The following DNAH17 variants were observed in gnomAD, a reference collection of about 807,000 sequenced individuals.
DNAH17 encodes dynein axonemal heavy chain 17.
DNAH17 carries 376 observed loss-of-function variants against 485.6 expected under a neutral mutation model. The observed-to-expected ratio is 0.77, with a 90% CI of 0.71 to 0.84. The LOEUF (loss-of-function observed/expected upper bound fraction) is 0.84, where lower values mean the gene tolerates loss of function less well. Ranked by LOEUF, DNAH17 falls within the 40% of genes least tolerant of loss-of-function variation. The pLI, the probability that DNAH17 is intolerant of heterozygous loss-of-function variation, is 0.00. For synonymous variants in DNAH17, 3,031 were observed against 2,405.9 expected (o/e 1.26, Z -7.60); for missense variants, 6,370 against 5,839.3 (o/e 1.09, Z -2.96).
chr17:78,488,039 T>C (rs80113178), intron 44 of DNAH17, among the ~76,000 whole-genome samples: 5,100 of 152,108 alleles, frequency 0.034, 122 homozygotes, highest in South Asian at 0.071. Context: ...TGGTCTTCAG[T>C]AGGGGAGATT....
At chr17:78,462,381 G>T (rs1230301270) in intron 57 of DNAH17, among the ~76,000 whole-genome samples, 1 of 152,122 alleles carries the variant, frequency 6.6e-6, no homozygotes, top group Non-Finnish European at 1.5e-5. Flanking sequence ...GGTGTCAATG[G>T]TGGGCAATAA....
In DNAH17 at chr17:78,571,571, A is replaced by G; in HGVS notation, c.732+19T>C. On this transcript the variant is annotated intron_variant, in intron 4 of 80. Transcript: ENST00000389840. ...AGCTGGGACGAGGCTGCAGCCCCAC[A>G]GGAGAGAGGAGGCCGTACCTGTTCA... The G allele has an allele frequency of 6.2e-7, 1 of 1,613,368 alleles. No homozygotes were observed. Among genetic ancestry groups the G allele is most frequent in the Non-Finnish European group, 8.5e-7 (1 of 1,179,616 alleles).
rs531238451 is a variant in DNAH17, at chr17:78,572,847, G to C, written c.393C>G (p.Pro131=). ...TCACGATGTCTTCCGAGACCACCTGGGGCCATCCAGCCATGTTCTCACTTT... is the reference window on the plus strand; with the variant it reads ...TCACGATGTCTTCCGAGACCACCTGCGGCCATCCAGCCATGTTCTCACTTT... ...LNQSENMAGW[P]QVVSEDIVKQ... The change falls in exon 3 of 81, where the codon CCC becomes CCG. Residue 131 remains proline (P), a synonymous_variant. Transcript: ENST00000389840. 101 of 1,613,890 alleles carry C rather than the reference G, an allele frequency of 6.3e-5. No homozygotes were observed. The East Asian group carries it at 1.9e-3, about 30-fold the overall frequency.
At chr17:78,444,916 G>T in intron 70 of DNAH17, 119 bp from the exon 71 acceptor site, 7 of 1,040,568 alleles carry the variant, frequency 6.7e-6, no homozygotes, top group East Asian at 2.9e-5. Flanking sequence ...CGGGGCTCTG[G>T]GATAAGGAAG....
In DNAH17 at chr17:78,476,704, C is replaced by T; in HGVS notation, c.8022G>A (p.Leu2674=). The T allele has an allele frequency of 6.2e-7, 1 of 1,612,890 alleles. No homozygotes were observed. The highest frequency in any genetic ancestry group is 8.5e-7 in the Non-Finnish European group (1 of 1,179,436). ...GGCGGACGAGGTCCAGTGGGGTTTT[C>T]AGAACTTCTGCTGTGGAAAATAAGA... ...QGLLFSTAEV[L]KTPLDLVRLW... Residue 2674 remains leucine, a synonymous_variant, in exon 52 of 81, where the codon CTG becomes CTA. Transcript: ENST00000389840.
At chr17:78,441,986 G>A (rs1373217911) in intron 71 of DNAH17, among the ~76,000 whole-genome samples, 1 of 152,144 alleles carries the variant, frequency 6.6e-6, no homozygotes, top group Non-Finnish European at 1.5e-5. Context: ...AGGAGGCTGA[G>A]GCAGGAGAAT....
intron 60 of DNAH17, 75 bp from the exon 61 acceptor site, chr17:78,459,283 T>C (rs1174082459): frequency 7.0e-7 from 1 of 1,429,932 alleles, no homozygotes; most frequent in Non-Finnish European, 9.8e-7. Context: ...AAGCTGAGTG[T>C]CTTGCCCAGG....
intron 41 of DNAH17, among the ~76,000 whole-genome samples, chr17:78,493,783 G>A (rs754353490): frequency 4.6e-5 from 7 of 152,246 alleles, no homozygotes; most frequent in Non-Finnish European, 8.8e-5. Context: ...GTCAAGGAGA[G>A]AAGAGCAGGA....
Position 78,424,053 on chromosome 17 carries a change from G to A in DNAH17, c.13242C>T (p.Asp4414=), listed in dbSNP as rs762524778. 1.2e-6 allele frequency: 2 copies of A among 1,614,064 alleles called. No individual in the cohort carries two copies. The highest frequency in any genetic ancestry group is 2.7e-5 in the African/African-American group (2 of 75,056). The part of the protein sequence containing the change: ...PVIFIKAIPV[D]RMETKNIYEC... ...CATAGATGTTCTTGGTCTCCATGCGGTCCACAGGAATGGCCTTGATGAAGA... is the reference window on the plus strand; with the variant it reads ...CATAGATGTTCTTGGTCTCCATGCGATCCACAGGAATGGCCTTGATGAAGA... Residue 4414 remains aspartate, a synonymous_variant, in exon 81 of 81, where the codon GAC becomes GAT. Transcript: ENST00000389840.
In DNAH17 at chr17:78,458,553, A is replaced by G; in HGVS notation, c.9977+12T>C. ...TGAGAGCAGGAGGGTGGTCTCGGGGAGGAGCTGATACCTGTTCGCCAGTAA... is the reference window on the plus strand; with the variant it reads ...TGAGAGCAGGAGGGTGGTCTCGGGGGGGAGCTGATACCTGTTCGCCAGTAA... On this transcript the variant is annotated intron_variant, in intron 62 of 80. Coordinates refer to ENST00000389840, the MANE Select transcript of DNAH17 (RefSeq NM_173628.4). 6.2e-7 allele frequency: 1 copy of G among 1,607,292 alleles called. No homozygotes were observed. The highest frequency in any genetic ancestry group is 1.7e-5 in the Admixed American group (1 of 59,782).
rs55669221 is a variant in DNAH17, at chr17:78,544,800, C to CAAAAAAAAAAAAAA, written c.2392-817_2392-804dup. On this transcript the variant is annotated intron_variant, in intron 16 of 80. Transcript: ENST00000389840. The stretch of plus-strand genomic sequence containing the variant: ...TGGGGCACAGAGCGAGACTCAGTCT[C>CAAAAAAAAAAAAAA]AAAAAAAAAAAAAAAAAAAAAAAAG... 4.1e-4 allele frequency among the ~76,000 whole-genome samples: 19 copies of CAAAAAAAAAAAAAA among 46,878 alleles called. 2 individuals carry two copies. Among genetic ancestry groups the CAAAAAAAAAAAAAA allele is most frequent in the East Asian group, 1.2e-3 (2 of 1,630 alleles). 30.8% of individuals were successfully genotyped at this position (46,878 alleles called of 152,430 possible). A position where few individuals can be genotyped will look rare whatever the true frequency, so the allele number is the denominator to read the frequency against.
chr17:78,576,827 A>AC (rs1189475887), intron 1 of DNAH17, among the ~76,000 whole-genome samples: 4 of 152,074 alleles, frequency 2.6e-5, no homozygotes, highest in Non-Finnish European at 5.9e-5. Flanking sequence ...GGGCCCCTAC[A>AC]CCCCGCAAGT....
intron 27 of DNAH17, among the ~76,000 whole-genome samples, chr17:78,508,470 C>T (rs1419907631): frequency 6.6e-6 from 1 of 152,234 alleles, no homozygotes; most frequent in African/African-American, 2.4e-5. Context: ...TGGAGTCTTC[C>T]TTTCCTCCCA....
chr17:78,532,839 G>A (rs1473759172), intron 19 of DNAH17, 103 bp from the exon 20 acceptor site: 3 of 1,323,198 alleles, frequency 2.3e-6, no homozygotes, highest in Non-Finnish European at 3.0e-6. Context: ...GTTGGCGAAA[G>A]GGCTTCCAAT....
Position 78,444,666 on chromosome 17 carries a change from C to T in DNAH17, c.11466G>A (p.Thr3822=), listed in dbSNP as rs368466796. ...EIFPKEWKNK[T]ALQKLCMVRC... ...GCACCATGCACAGCTTCTGCAGGGCCGTCTTGTTCTTCCACTCCTTGGGGA... is the reference window on the plus strand; with the variant it reads ...GCACCATGCACAGCTTCTGCAGGGCTGTCTTGTTCTTCCACTCCTTGGGGA... The change falls in exon 71 of 81, where the codon ACG becomes ACA. Residue 3822 remains threonine (T), a synonymous_variant. Transcript: ENST00000389840. The T allele has an allele frequency of 2.5e-5, 41 of 1,609,306 alleles. No individual in the cohort carries two copies. The highest frequency in any genetic ancestry group is 8.9e-5 in the East Asian group (4 of 44,744).
rs183666831 is a variant in DNAH17, at chr17:78,444,877, G to C, written c.11335-80C>G. The C allele has an allele frequency of 6.5e-6, 9 of 1,384,206 alleles. No individual in the cohort carries two copies. In the African/African-American group the frequency reaches 8.9e-5, roughly 14 times the overall value. The allele number at this position is 1,384,206 out of a possible 1,614,324, so 85.7% of individuals were successfully genotyped here. ...AGCCTTCCTGTACAGTTCATTCAAG[G>C]AGGAGAGGCCATTACCCTCCGAGGA... On this transcript the variant is annotated intron_variant, in intron 70 of 80. Coordinates refer to ENST00000389840, the MANE Select transcript of DNAH17 (RefSeq NM_173628.4).
In DNAH17 at chr17:78,544,943, A is replaced by C. The variant is rs545175075; in HGVS notation, c.2392-946T>G. ...CATATATGGTAACAAAACACCTAAT[A>C]AGTTTTTTTTGTCAAAAAACAGTCT... On this transcript the variant is annotated intron_variant, in intron 16 of 80. Transcript: ENST00000389840. 6.6e-5 allele frequency among the ~76,000 whole-genome samples: 10 copies of C among 152,272 alleles called. No homozygotes were observed. The South Asian group carries it at 2.1e-3, about 32-fold the overall frequency.
At chr17:78,551,483 G>T in intron 16 of DNAH17, 52 bp downstream of exon 16, 1 of 1,572,582 alleles carries the variant, frequency 6.4e-7, no homozygotes, top group Non-Finnish European at 8.7e-7. Context: ...TTTGCCCCAG[G>T]GCAGCCCCAG....
chr17:78,487,240 G>A (rs1416361449), intron 44 of DNAH17, among the ~76,000 whole-genome samples: 1 of 152,198 alleles, frequency 6.6e-6, no homozygotes, highest in Non-Finnish European at 1.5e-5. Flanking sequence ...TACTGCACAT[G>A]CCTGAGTCCC....
Sources: gnomAD v4.1 joint callset for allele counts (sites outside exome capture counted in the v4.1 genomes callset) on GRCh38, gnomAD v4.1.1 for gene constraint, MANE v1.5 for transcripts, NCBI Gene and HGNC (gene_info 2026-07-23, HGNC 2026-07-21) for gene names.